The following PCDHGA4 variants were observed in gnomAD, a reference collection of about 807,000 sequenced individuals.
The protein encoded by PCDHGA4 is protocadherin gamma subfamily A, 4, also known as protocadherin gamma-A4.
PCDHGA4 carries 38 observed loss-of-function variants against 54.6 expected under a neutral mutation model. The ratio of observed to expected loss-of-function variants is 0.70; its 90% CI spans 0.54 to 0.91. The LOEUF is 0.91. Ranked by LOEUF, PCDHGA4 falls within the 40% of genes least tolerant of loss-of-function variation. The pLI, the probability that PCDHGA4 is intolerant of heterozygous loss-of-function variation, is 0.00. For missense variants in PCDHGA4, 1,298 were observed against 1,220.9 expected, an observed-to-expected ratio of 1.06 and a Z score of -0.94; for synonymous variants, 511 against 512.9, an observed-to-expected ratio of 1.00 and a Z score of 0.05.
At chr5:141,407,549 T>C (rs1159197129) in intron 1 of PCDHGA4, among the ~76,000 whole-genome samples, 4 of 151,912 alleles carry the variant, frequency 2.6e-5, no homozygotes, top group African/African-American at 9.7e-5. Flanking sequence ...TAACAGATTG[T>C]AGAACATAAG....
Position 141,485,633 on chromosome 5 carries a change from T to C in PCDHGA4, c.2515-9174T>C. 2 of 1,611,808 alleles carry C rather than the reference T, an allele frequency of 1.2e-6. No homozygotes were observed. Among genetic ancestry groups the C allele is most frequent in the South Asian group, 1.1e-5 (1 of 90,962 alleles). On this transcript the variant is annotated intron_variant, in intron 1 of 3. Coordinates refer to ENST00000571252, the MANE Select transcript of PCDHGA4 (RefSeq NM_018917.4). The surrounding 1 kb of genome is among the most constrained non-coding windows in gnomAD (Gnocchi z 5.7). Reference sequence around the variant, plus strand: ...AGCTCCTCCAGGACAGCGTTTCCCGTTGGAAAAGGCTCAGGATGCAGATGT... The same window carrying C: ...AGCTCCTCCAGGACAGCGTTTCCCGCTGGAAAAGGCTCAGGATGCAGATGT...
At chr5:141,497,719 T>C (rs1311566820) in intron 2 of PCDHGA4, among the ~76,000 whole-genome samples, 2 of 152,076 alleles carry the variant, frequency 1.3e-5, no homozygotes, top group Non-Finnish European at 2.9e-5. Context: ...TTTGTATTTT[T>C]AGTAGAGATG....
chr5:141,356,007 A>T lies in PCDHGA4; in HGVS notation c.900A>T (p.Pro300=). ...TACTCACCGTAAAAGCCACTGATCC[A>T]GATGAAGGAGCCAATGGAGACGTGA... ...TRLLTVKATD[P]DEGANGDVTY... The change falls in exon 1 of 4, where the codon CCA becomes CCT. Residue 300 remains proline (P), a synonymous_variant. Transcript: ENST00000571252. The T allele has an allele frequency of 6.2e-7, 1 of 1,613,952 alleles. No homozygotes were observed. The highest frequency in any genetic ancestry group is 8.5e-7 in the Non-Finnish European group (1 of 1,179,896).
intron 2 of PCDHGA4, among the ~76,000 whole-genome samples, chr5:141,503,998 A>G (rs746158378): frequency 4.6e-5 from 7 of 152,104 alleles, no homozygotes; most frequent in Admixed American, 1.3e-4. Context: ...CCTTACAGTC[A>G]CTTAACTGTC....
At chr5:141,430,573 A>T (rs938248057) in intron 1 of PCDHGA4, 2 of 449,056 alleles carry the variant, frequency 4.5e-6, no homozygotes, top group Non-Finnish European at 7.6e-6. Flanking sequence ...AGAAAAGCGG[A>T]GATCCTGCTC....
At chr5:141,375,396 T>C (rs962120197) in intron 1 of PCDHGA4, 56 of 1,613,744 alleles carry the variant, frequency 3.5e-5, no homozygotes, top group Non-Finnish European at 4.6e-5. Context: ...GAAACAATCA[T>C]CTCTCTAAAT....
Position 141,420,141 on chromosome 5 carries a change from T to C in PCDHGA4, c.2514+62520T>C, listed in dbSNP as rs556066866. 9.9e-6 allele frequency: 16 copies of C among 1,614,040 alleles called. No homozygotes were observed. The East Asian group carries it at 3.3e-4, about 34-fold the overall frequency. On this transcript the variant is annotated intron_variant, in intron 1 of 3. Coordinates refer to ENST00000571252, the MANE Select transcript of PCDHGA4 (RefSeq NM_018917.4). ...AATTTTTGTGTGCCTGGGGATCAAA[T>C]GAATCCAGAATTTAATTTTTTCACA... is the stretch of plus-strand genomic sequence containing the variant.
intron 1 of PCDHGA4, chr5:141,415,349 A>G (rs921019257): frequency 1.2e-6 from 2 of 1,614,220 alleles, no homozygotes; most frequent in Non-Finnish European, 1.7e-6. Flanking sequence ...CGCTGGCACA[A>G]GTCACGCCTG....
At chr5:141,395,102 G>A (rs766050798) in intron 1 of PCDHGA4, 2 of 1,614,172 alleles carry the variant, frequency 1.2e-6, no homozygotes, top group East Asian at 2.2e-5. Flanking sequence ...CCGCCGACTC[G>A]CGGAAGAGTC....
chr5:141,458,551 T>A (rs1019302178), intron 1 of PCDHGA4, among the ~76,000 whole-genome samples: 1 of 148,194 alleles, frequency 6.7e-6, no homozygotes, highest in Non-Finnish European at 1.5e-5. Flanking sequence ...TTTGTTTGTT[T>A]GTTTTGGTTT....
intron 1 of PCDHGA4, among the ~76,000 whole-genome samples, chr5:141,483,648 T>TTGTGTGTG (rs111458813): frequency 0.019 from 2,886 of 149,692 alleles, 51 homozygotes; most frequent in African/African-American, 0.054. Flanking sequence ...GGGTGTGTGT[T>TTGTGTGTG]TGTGTGTGTG....
chr5:141,489,364 G>A lies in PCDHGA4; in HGVS notation c.2515-5443G>A, dbSNP rs2099686163. On this transcript the variant is annotated intron_variant, in intron 1 of 3. Coordinates refer to ENST00000571252, the MANE Select transcript of PCDHGA4 (RefSeq NM_018917.4). The surrounding 1 kb of genome is among the most constrained non-coding windows in gnomAD (Gnocchi z 4.5). The stretch of plus-strand genomic sequence containing the variant: ...CTCAGTGGTGGAGGAGTCTGAGCCG[G>A]GGACGCTGGTGGGGAATGTTGCTCA... 1 of 1,613,450 alleles carries A rather than the reference G, an allele frequency of 6.2e-7. No homozygotes were observed. The highest frequency in any genetic ancestry group is 1.1e-5 in the South Asian group (1 of 91,042).
chr5:141,375,058 A>G (rs1346702145), intron 1 of PCDHGA4: 1 of 1,613,948 alleles, frequency 6.2e-7, no homozygotes, highest in Non-Finnish European at 8.5e-7. Flanking sequence ...GGGATGGGCC[A>G]GGTCTTCGAG....
intron 1 of PCDHGA4, among the ~76,000 whole-genome samples, chr5:141,468,994 T>C (rs2099188173): frequency 6.7e-6 from 1 of 148,824 alleles, no homozygotes; most frequent in Non-Finnish European, 1.5e-5. Context: ...ATTATTGTTT[T>C]TGCTGGGTGC....
intron 1 of PCDHGA4, among the ~76,000 whole-genome samples, chr5:141,461,980 C>G (rs759291534): frequency 9.2e-5 from 14 of 152,176 alleles, no homozygotes; most frequent in Non-Finnish European, 1.5e-4. Flanking sequence ...TATGCCACCA[C>G]GCCAGGCTAA....
intron 1 of PCDHGA4, chr5:141,383,678 G>C: frequency 1.2e-6 from 2 of 1,614,036 alleles, no homozygotes; most frequent in East Asian, 4.5e-5. Flanking sequence ...GTGGGTACAA[G>C]ACTGCTCACG....
At position 141,393,567 on chromosome 5, in the gene PCDHGA4, C is replaced by T. The variant is rs766591189; in HGVS notation, c.2514+35946C>T. 6 of 1,613,798 alleles carry T rather than the reference C, an allele frequency of 3.7e-6. No homozygotes were observed. The African/African-American group carries it at 6.7e-5, about 18-fold the overall frequency. ...TCACCCGATTTACCGAGTGAAAGTC[C>T]TTGAGAACATGCCCCCAGGCACGCG... On this transcript the variant is annotated intron_variant, in intron 1 of 3. Transcript: ENST00000571252.
chr5:141,392,857 T>TGCTGTGC, intron 1 of PCDHGA4: 1 of 1,612,536 alleles, frequency 6.2e-7, no homozygotes, highest in Non-Finnish European at 8.5e-7. Flanking sequence ...GAGCTGATCC[T>TGCTGTGC]GCTGTGCGCG....
At chr5:141,399,635 T>C (rs1237333371) in intron 1 of PCDHGA4, 1 of 1,613,746 alleles carries the variant, frequency 6.2e-7, no homozygotes, top group Admixed American at 1.7e-5. Context: ...TACGTGTCCA[T>C]GAGCGCGCAA....
Sources: allele counts gnomAD v4.1 joint callset (sites outside exome capture counted in the v4.1 genomes callset), GRCh38; gene constraint gnomAD v4.1.1; non-coding constraint Gnocchi (gnomAD v3.1); transcripts MANE v1.5; gene names NCBI Gene and HGNC (gene_info 2026-07-23, HGNC 2026-07-21).